The following RSU1 variants were observed in gnomAD, a reference collection of about 807,000 sequenced individuals.
RSU1 encodes the protein Ras suppressor protein 1.
Under a neutral mutation model 31.1 loss-of-function variants are expected in RSU1, and 26 were observed. The observed-to-expected ratio is 0.84, with a 90% confidence interval of 0.61 to 1.16. The LOEUF is 1.16. Ranked by LOEUF, RSU1 falls within the 50% of genes most tolerant of loss-of-function variation. The pLI is 0.00. For missense variants in RSU1, 320 were observed against 339.1 expected (o/e 0.94, Z 0.44); for synonymous variants, 164 against 136.3 (o/e 1.20, Z -1.41).
At chr10:16,682,877 T>G (rs968548036) in intron 8 of RSU1, among the ~76,000 whole-genome samples, 2 of 152,098 alleles carry the variant, frequency 1.3e-5, no homozygotes, top group African/African-American at 2.4e-5. Flanking sequence ...ACACCGCACA[T>G]GCCCTCCTTA....
At chr10:16,722,946 G>GTA (rs1258801125) in intron 7 of RSU1, 9 of 145,000 alleles carry the variant, frequency 6.2e-5, no homozygotes, top group African/African-American at 2.0e-4. Flanking sequence ...ATACATATAT[G>GTA]TATATATACA....
intron 5 of RSU1, among the ~76,000 whole-genome samples, chr10:16,753,613 T>C (rs1397381275): frequency 2.0e-5 from 3 of 152,120 alleles, no homozygotes; most frequent in Non-Finnish European, 4.4e-5. Flanking sequence ...GTTAACAGAG[T>C]AAATCCTAAC....
chr10:16,718,157 G>C (rs79042152), intron 7 of RSU1, among the ~76,000 whole-genome samples: 1 of 150,852 alleles, frequency 6.6e-6, no homozygotes, highest in Non-Finnish European at 1.5e-5. Context: ...TTGAATATCT[G>C]GGCCCTGGCT....
intron 7 of RSU1, among the ~76,000 whole-genome samples, chr10:16,744,069 G>A (rs1221742921): frequency 6.6e-6 from 1 of 151,298 alleles, no homozygotes; most frequent in Non-Finnish European, 1.5e-5. Context: ...GGTCAAGGTT[G>A]TAGTGAGCCA....
intron 8 of RSU1, among the ~76,000 whole-genome samples, chr10:16,643,830 A>T: frequency 6.6e-6 from 1 of 152,286 alleles, no homozygotes; most frequent in East Asian, 1.9e-4. Context: ...GTCAACTCCA[A>T]ATAAAAAAAA....
chr10:16,723,234 A>G (rs1057125042), intron 7 of RSU1: 1 of 152,156 alleles, frequency 6.6e-6, no homozygotes, highest in Middle Eastern at 3.2e-3. Flanking sequence ...ACAGTCAGAC[A>G]TAAAGGTTAC....
intron 7 of RSU1, among the ~76,000 whole-genome samples, chr10:16,731,272 T>C (rs1457178008): frequency 1.3e-5 from 2 of 151,852 alleles, no homozygotes; most frequent in African/African-American, 2.4e-5. Flanking sequence ...TACTAAAAAA[T>C]ACAAAAAATT....
chr10:16,763,144 G>T (rs1837243061), intron 4 of RSU1, among the ~76,000 whole-genome samples: 1 of 152,138 alleles, frequency 6.6e-6, no homozygotes, highest in Non-Finnish European at 1.5e-5. Context: ...AGCATGAGTG[G>T]GCAGTTTCAT....
intron 7 of RSU1, among the ~76,000 whole-genome samples, chr10:16,734,006 C>A (rs1348721399): frequency 1.3e-5 from 2 of 152,250 alleles, no homozygotes; most frequent in African/African-American, 4.8e-5. Context: ...GCATCTGCCA[C>A]TATATCAGCT....
intron 8 of RSU1, among the ~76,000 whole-genome samples, chr10:16,626,670 A>G (rs538247097): frequency 1.3e-5 from 2 of 152,252 alleles, no homozygotes; most frequent in South Asian, 2.1e-4. Context: ...AAACTACTGA[A>G]GCTTCAGTTG....
chr10:16,734,795 C>T (rs1836591019), intron 7 of RSU1, among the ~76,000 whole-genome samples: 1 of 152,126 alleles, frequency 6.6e-6, no homozygotes, highest in African/African-American at 2.4e-5. Flanking sequence ...CATCCTAACC[C>T]TCAATATCTC....
chr10:16,594,795 T>A (rs1029392807), intron 8 of RSU1, among the ~76,000 whole-genome samples: 24 of 146,880 alleles, frequency 1.6e-4, no homozygotes, highest in African/African-American at 4.5e-4. Flanking sequence ...ATATATTTTT[T>A]TTTTTTTGAG....
intron 7 of RSU1, among the ~76,000 whole-genome samples, chr10:16,727,985 AT>A (rs1471296739): frequency 6.6e-6 from 1 of 152,214 alleles, no homozygotes; most frequent in Admixed American, 6.5e-5. Flanking sequence ...TTCAACACCC[AT>A]CTGGCATCTC....
At chr10:16,605,570 A>C (rs1588670545) in intron 8 of RSU1, among the ~76,000 whole-genome samples, 1 of 152,094 alleles carries the variant, frequency 6.6e-6, no homozygotes, top group East Asian at 1.9e-4. Context: ...CTGTCACCCC[A>C]AAAATATGGA....
intron 8 of RSU1, among the ~76,000 whole-genome samples, chr10:16,616,472 C>T (rs1230477481): frequency 6.6e-6 from 1 of 151,696 alleles, no homozygotes; most frequent in Non-Finnish European, 1.5e-5. Context: ...TGAAATGATT[C>T]CAAATAATAG....
chr10:16,791,131 A>G (rs1051011667), intron 2 of RSU1, among the ~76,000 whole-genome samples: 1 of 151,982 alleles, frequency 6.6e-6, no homozygotes, highest in Non-Finnish European at 1.5e-5. Flanking sequence ...GTTTCAAGCA[A>G]TTCTCGTGCC....
intron 7 of RSU1, among the ~76,000 whole-genome samples, chr10:16,717,726 T>G (rs1836171460): frequency 6.6e-6 from 1 of 152,128 alleles, no homozygotes; most frequent in Non-Finnish European, 1.5e-5. Context: ...CTTCAAAAAT[T>G]TAACAGTAGG....
intron 7 of RSU1, among the ~76,000 whole-genome samples, chr10:16,749,748 A>G (rs529842069): frequency 1.7e-4 from 26 of 152,352 alleles, no homozygotes; most frequent in Non-Finnish European, 3.2e-4. Flanking sequence ...TGCGTTTTGC[A>G]AAGTGTTATG....
chr10:16,816,383 CAG>C (rs1025829154), intron 2 of RSU1, among the ~76,000 whole-genome samples: 7 of 152,086 alleles, frequency 4.6e-5, no homozygotes, highest in African/African-American at 1.7e-4. Context: ...ACACCATAGA[CAG>C]GGGTTACAGG....
Sources: gnomAD v4.1 joint callset for allele counts (sites outside exome capture counted in the v4.1 genomes callset) on GRCh38, gnomAD v4.1.1 for gene constraint, MANE v1.5 for transcripts, NCBI Gene and HGNC (gene_info 2026-07-23, HGNC 2026-07-21) for gene names.